Variants in SPTBN2 observed in about 807,000 individuals in gnomAD.
SPTBN2 encodes spectrin beta, non-erythrocytic 2.
In SPTBN2, 107 loss-of-function variants were observed where a neutral mutation model predicts 284.2. That is an observed-to-expected ratio of 0.38 (90% confidence interval 0.32 to 0.44). The LOEUF is 0.44. SPTBN2 is among the 20% of genes least tolerant of loss of function. SPTBN2 has a pLI of 1.00. For missense variants in SPTBN2, 2,569 were observed against 3,287.1 expected, an observed-to-expected ratio of 0.78 and a Z score of 5.34; for synonymous variants, 1,289 against 1,354.8, an observed-to-expected ratio of 0.95 and a Z score of 1.07.
Position 66,707,031 on chromosome 11 carries a change from T to C in SPTBN2, c.1653+485A>G, listed in dbSNP as rs1047893965. On this transcript the variant is annotated intron_variant, in intron 13 of 37. Transcript: ENST00000533211. This position sits in a 1 kb window ranked among gnomAD's most constrained non-coding sequence, Gnocchi z 4.9. ...AGTGGGCTGGCCGTGCCCTCCCAAA[T>C]CTCAGTCCATGGCCCCCACTCCTCA... Among the ~76,000 whole-genome samples the C allele has an allele frequency of 3.3e-5, 5 of 152,218 alleles. No individual in the cohort carries two copies. Among genetic ancestry groups the C allele is most frequent in the East Asian group, 3.9e-4 (2 of 5,188 alleles).
At chr11:66,699,349 C>T in intron 18 of SPTBN2, 57 bp downstream of exon 18, 3 of 1,597,762 alleles carry the variant, frequency 1.9e-6, no homozygotes, top group Non-Finnish European at 2.6e-6. Flanking sequence ...TTTGAGGTCA[C>T]CCTGTTTCTC....
rs775472534 is a variant in SPTBN2 at position 66,693,805 on chromosome 11, C to T, written c.4560G>A (p.Leu1520=). 1.7e-5 allele frequency: 27 copies of T among 1,613,782 alleles called. No individual in the cohort carries two copies. Among genetic ancestry groups the T allele is most frequent in the Admixed American group, 1.3e-4 (8 of 59,990 alleles). Reference sequence around the variant, plus strand: ...TCTTCATGAGAAGCTGGACGCTGGGCAGGTCCTTGCCATGCTCCATGGAGC... The same window carrying T: ...TCTTCATGAGAAGCTGGACGCTGGGTAGGTCCTTGCCATGCTCCATGGAGC... ...MASSMEHGKD[L]PSVQLLMKKN... is the part of the protein sequence containing the mutation. Residue 1520 remains leucine (L), a synonymous_variant, in exon 23 of 38, where the codon CTG becomes CTA. Coordinates refer to ENST00000533211, the MANE Select transcript of SPTBN2 (RefSeq NM_006946.4). The surrounding 1 kb of genome is among the most constrained non-coding windows in gnomAD (Gnocchi z 5.7).
chr11:66,704,672 C>T lies in SPTBN2; in HGVS notation c.2604G>A (p.Val868=). The T allele has an allele frequency of 6.2e-7, 1 of 1,611,600 alleles. No individual in the cohort carries two copies. Among genetic ancestry groups the T allele is most frequent in the African/African-American group, 1.3e-5 (1 of 75,040 alleles). ...CGTTGAGCCACTGCTCCTTCTCCTCCACCCAGAGTCCACAGGCCCCGGCCT... is the reference window on the plus strand; with the variant it reads ...CGTTGAGCCACTGCTCCTTCTCCTCTACCCAGAGTCCACAGGCCCCGGCCT... The part of the protein sequence containing the change: ...LSEAGACGLW[V]EEKEQWLNGL... Residue 868 remains valine, a synonymous_variant, in exon 15 of 38, where the codon GTG becomes GTA. Transcript: ENST00000533211.
intron 19 of SPTBN2, 93 bp from the exon 20 acceptor site, chr11:66,698,878 G>A: frequency 1.2e-6 from 2 of 1,600,062 alleles, no homozygotes; most frequent in Admixed American, 1.7e-5. Context: ...TGGGCGCCTT[G>A]GGAAGAAGCC....
Position 66,710,535 on chromosome 11 carries a change from T to C in SPTBN2, c.1073+47A>G, listed in dbSNP as rs771013507. On this transcript the variant is annotated intron_variant, in intron 10 of 37. Coordinates refer to ENST00000533211, the MANE Select transcript of SPTBN2 (RefSeq NM_006946.4). This position sits in a 1 kb window ranked among gnomAD's most constrained non-coding sequence, Gnocchi z 4.9. ...AGGCTGTGCTAATTTAGGCTTCCTC[T>C]CGTGGGAGCACAGCTCAGGGAAGGG... The C allele has an allele frequency of 9.3e-5, 149 of 1,595,418 alleles. No individual in the cohort carries two copies. Among genetic ancestry groups the C allele is most frequent in the Non-Finnish European group, 1.2e-4 (142 of 1,169,870 alleles).
At position 66,687,828 on chromosome 11, in the gene SPTBN2, G is replaced by A. The variant is rs1315406218; in HGVS notation, c.6501+40C>T. On this transcript the variant is annotated intron_variant, in intron 34 of 37. Coordinates refer to ENST00000533211, the MANE Select transcript of SPTBN2 (RefSeq NM_006946.4). This position sits in a 1 kb window ranked among gnomAD's most constrained non-coding sequence, Gnocchi z 5.2. ...ACTCACCACCCCCTCTGGACCCTTC[G>A]CCTCACAGTTATCAACACCACACTT... is the stretch of plus-strand genomic sequence containing the variant. 6.2e-6 allele frequency: 10 copies of A among 1,613,062 alleles called. No homozygotes were observed. The highest frequency in any genetic ancestry group is 3.3e-5 in the South Asian group (3 of 91,054).
intron 20 of SPTBN2, among the ~76,000 whole-genome samples, chr11:66,697,803 G>A (rs1420170908): frequency 1.3e-5 from 2 of 152,148 alleles, no homozygotes; most frequent in Admixed American, 1.3e-4. Context: ...TTCCTTCAGG[G>A]TGGAGCCTAC....
intron 1 of SPTBN2, among the ~76,000 whole-genome samples, chr11:66,741,608 C>A (rs1942895905): frequency 6.6e-6 from 1 of 152,146 alleles, no homozygotes; most frequent in African/African-American, 2.4e-5. Context: ...TAAATGAGAC[C>A]TGGAAGGCCA....
At position 66,690,041 on chromosome 11, in the gene SPTBN2, G is replaced by A. The variant is rs751613349; in HGVS notation, c.5808C>T (p.Pro1936=). 6.2e-7 allele frequency: 1 copy of A among 1,614,220 alleles called. No homozygotes were observed. The highest frequency in any genetic ancestry group is 2.2e-5 in the East Asian group (1 of 44,880). Residue 1936 remains proline (P), a splice_region_variant and synonymous_variant, in exon 28 of 38, where the codon CCC becomes CCT. Coordinates refer to ENST00000533211, the MANE Select transcript of SPTBN2 (RefSeq NM_006946.4). ...GCCCTGAGCCCTGGGATTCTCACCG[G>A]GGACGCTCCTGGGCATCCATCTGCA... is the stretch of plus-strand genomic sequence containing the variant. ...VNLQMDAQER[P]RDVSSADLVI...
rs1554987375 is a variant in SPTBN2 at position 66,710,701 on chromosome 11, C to A, written c.954G>T (p.Leu318=). Residue 318 remains leucine (L), a synonymous_variant, in exon 10 of 38, where the codon CTG becomes CTT. Transcript: ENST00000533211. The surrounding 1 kb of genome is among the most constrained non-coding windows in gnomAD (Gnocchi z 4.9). Reference sequence around the variant, plus strand: ...TCACGATCGTTTGCTCGATCCACTGCAGCAGCTCCGAGGCCAGGGACTCGT... The same window carrying A: ...TCACGATCGTTTGCTCGATCCACTGAAGCAGCTCCGAGGCCAGGGACTCGT... The part of the protein sequence containing the change: ...EKYESLASEL[L]QWIEQTIVTL... 1 of 1,614,206 alleles carries A rather than the reference C, an allele frequency of 6.2e-7. No individual in the cohort carries two copies. Among genetic ancestry groups the A allele is most frequent in the South Asian group, 1.1e-5 (1 of 91,086 alleles).
At position 66,705,414 on chromosome 11, in the gene SPTBN2, T is replaced by C. The variant is rs1436396949; in HGVS notation, c.1862A>G (p.Gln621Arg). 1.2e-6 allele frequency: 2 copies of C among 1,613,030 alleles called. No individual in the cohort carries two copies. Among genetic ancestry groups the C allele is most frequent in the South Asian group, 2.2e-5 (2 of 91,088 alleles). Residue 621 changes from glutamine to arginine, a missense_variant, in exon 15 of 38, where the codon CAG becomes CGG. Gln to Arg is a conservative substitution (Grantham distance 43, BLOSUM62 1). Around this residue, in one of 6 missense-constraint regions of SPTBN2, gnomAD observed 1,012 missense variants for 1,248.9 expected, o/e 0.81. Transcript: ENST00000533211. ...CAACTCGCACAGTGCCTCATAGCTC[T>C]GCTCTAGCTTGGCCACCCGCTCCGA... ...LVSERVAKLE[Q>R]SYEALCELAA...
Position 66,708,110 on chromosome 11 carries a change from G to A in SPTBN2, c.1350+31C>T. On this transcript the variant is annotated intron_variant, in intron 12 of 37. Transcript: ENST00000533211. This position sits in a 1 kb window ranked among gnomAD's most constrained non-coding sequence, Gnocchi z 4.4. ...CCTGTCTCTCTCCCAGTTCTGACCA[G>A]CCTAAGCATCCTAGGAGCCTCAAGT... 5 of 1,612,856 alleles carry A rather than the reference G, an allele frequency of 3.1e-6. No individual in the cohort carries two copies. The highest frequency in any genetic ancestry group is 4.2e-6 in the Non-Finnish European group (5 of 1,179,754).
Position 66,693,272 on chromosome 11 carries a change from C to T in SPTBN2, c.4768G>A (p.Ala1590Thr), listed in dbSNP as rs1005031099. 6.2e-7 allele frequency: 1 copy of T among 1,614,026 alleles called. No homozygotes were observed. Among genetic ancestry groups the T allele is most frequent in the African/African-American group, 1.3e-5 (1 of 75,064 alleles). The change falls in exon 24 of 38, where the codon GCC becomes ACC. Residue 1590 changes from alanine (A) to threonine (T), a missense_variant. Ala to Thr is a moderately conservative substitution (Grantham distance 58, BLOSUM62 0). Around this residue, in one of 6 missense-constraint regions of SPTBN2, gnomAD observed 1,130 missense variants for 1,317.3 expected, o/e 0.86. Coordinates refer to ENST00000533211, the MANE Select transcript of SPTBN2 (RefSeq NM_006946.4). The surrounding 1 kb of genome is among the most constrained non-coding windows in gnomAD (Gnocchi z 5.7). ...RGKRLEDALRAQQFYRDAAEA... is the reference protein window; with the variant it reads ...RGKRLEDALRTQQFYRDAAEA... The stretch of plus-strand genomic sequence containing the variant: ...GCGGCATCGCGGTAGAACTGCTGGG[C>T]TCGCAGGGCATCCTCCAGTCGCTTC...
At chr11:66,701,921 C>G (rs1208723938) in intron 15 of SPTBN2, among the ~76,000 whole-genome samples, 200 bp from the exon 16 acceptor site, 2 of 151,998 alleles carry the variant, frequency 1.3e-5, no homozygotes, top group Non-Finnish European at 2.9e-5. Flanking sequence ...CCAAAACAAG[C>G]AGAATAACTG....
In SPTBN2 at chr11:66,700,834, C is replaced by T. The variant is rs1488301921; in HGVS notation, c.3265G>A (p.Ala1089Thr). The change falls in exon 17 of 38, where the codon GCC (alanine) becomes ACC (threonine). Residue 1089 changes from alanine to threonine, a missense_variant. Physicochemically the swap from Ala to Thr is moderately conservative, Grantham distance 58 (BLOSUM62 0). Transcript: ENST00000533211. This position sits in a 1 kb window ranked among gnomAD's most constrained non-coding sequence, Gnocchi z 6.6. ...AWLGRTQTAV[A>T]SEEGPATLPE... ...AGGGTGGCCGGCCCTTCTTCAGAGG[C>T]CACAGCAGTCTGAGTGCGGCCTAGC... 6.2e-7 allele frequency: 1 copy of T among 1,600,268 alleles called. No individual in the cohort carries two copies. Among genetic ancestry groups the T allele is most frequent in the Non-Finnish European group, 8.5e-7 (1 of 1,179,792 alleles).
chr11:66,688,241 G>A lies in SPTBN2; in HGVS notation c.6302C>T (p.Pro2101Leu), dbSNP rs1262677296. The A allele has an allele frequency of 6.2e-7, 1 of 1,613,500 alleles. No homozygotes were observed. Among genetic ancestry groups the A allele is most frequent in the Non-Finnish European group, 8.5e-7 (1 of 1,179,938 alleles). The part of the protein sequence containing the change: ...EEERRKQPPA[P>L]EPTASVPPGD... ...TGGAGGCACACTGGCTGTGGGTTCG[G>A]GAGCAGGCGGCTGTTTCCGCCGCTC... The change falls in exon 32 of 38, where the codon CCC becomes CTC. Residue 2101 changes from proline (P) to leucine (L), a missense_variant. Around this residue, in one of 6 missense-constraint regions of SPTBN2, gnomAD observed 1,130 missense variants for 1,317.3 expected, o/e 0.86. Transcript: ENST00000533211.
Position 66,687,013 on chromosome 11 carries a change from T to C in SPTBN2, c.6877A>G (p.Lys2293Glu). Reference protein sequence around the residue: ...GSVAFDYRKRKHVFKLGLQDG... With the variant: ...GSVAFDYRKREHVFKLGLQDG... ...TCCTACCCCAGCTTGAAGACATGTT[T>C]GCGCTTTCGGTAATCAAAGGCGACG... Residue 2293 changes from lysine (K) to glutamate (E), a missense_variant, in exon 36 of 38, where the codon AAA (lysine) becomes GAA (glutamate). Physicochemically the swap from Lys to Glu is moderately conservative, Grantham distance 56. Transcript: ENST00000533211. This position sits in a 1 kb window ranked among gnomAD's most constrained non-coding sequence, Gnocchi z 5.2. The C allele has an allele frequency of 6.2e-7, 1 of 1,614,038 alleles. No individual in the cohort carries two copies. The highest frequency in any genetic ancestry group is 8.5e-7 in the Non-Finnish European group (1 of 1,180,022).
At chr11:66,686,561 CGGA>C in intron 36 of SPTBN2, 121 bp from the exon 37 acceptor site, 1 of 1,070,358 alleles carries the variant, frequency 9.3e-7, no homozygotes, top group Non-Finnish European at 1.4e-6. Context: ...CCCTCAGAGC[CGGA>C]CCAGACACGC....
chr11:66,699,702 C>A, intron 17 of SPTBN2, 94 bp from the exon 18 acceptor site: 1 of 1,276,736 alleles, frequency 7.8e-7, no homozygotes, highest in Non-Finnish European at 1.1e-6. Flanking sequence ...GAGGTAGGGA[C>A]CAACAAGCAG....
Sources: gnomAD v4.1 joint callset for allele counts (sites outside exome capture counted in the v4.1 genomes callset) on GRCh38, gnomAD v4.1.1 for gene constraint, gnomAD v4.1.1 regional missense constraint, Gnocchi (gnomAD v3.1) non-coding constraint, MANE v1.5 for transcripts, NCBI Gene and HGNC (gene_info 2026-07-23, HGNC 2026-07-21) for gene names.